Variants in INPP4B observed in about 807,000 individuals in gnomAD.
INPP4B encodes the protein inositol polyphosphate-4-phosphatase type II B.
INPP4B carries 55 observed loss-of-function variants against 122.5 expected under a neutral mutation model. The observed-to-expected ratio is 0.45, with a 90% CI of 0.36 to 0.56. The LOEUF is 0.56. Ranked by LOEUF, INPP4B falls within the 20% of genes least tolerant of loss-of-function variation. The probability of loss-of-function intolerance (pLI) is 0.00; values close to 1 mark genes in which losing one functional copy is unlikely to be tolerated. For missense variants in INPP4B, 1,000 were observed against 1,097.7 expected (o/e 0.91, Z 1.26); for synonymous variants, 403 against 388.7 (o/e 1.04, Z -0.43).
chr4:142,246,612 T>C (rs1426160992), intron 11 of INPP4B, among the ~76,000 whole-genome samples: 1 of 152,196 alleles, frequency 6.6e-6, no homozygotes, highest in Admixed American at 6.5e-5. Flanking sequence ...ATTATTGGTG[T>C]ATAGGAATGC....
At chr4:142,220,726 G>C (rs1849014323) in intron 12 of INPP4B, among the ~76,000 whole-genome samples, 1 of 152,194 alleles carries the variant, frequency 6.6e-6, no homozygotes, top group East Asian at 1.9e-4. Flanking sequence ...TTTTCACAGA[G>C]TTCTAGGGGC....
At chr4:142,296,388 TAAATAGTAGGTAGTAC>T (rs1758705780) in intron 9 of INPP4B, among the ~76,000 whole-genome samples, 2 of 152,296 alleles carry the variant, frequency 1.3e-5, no homozygotes, top group African/African-American at 4.8e-5. Context: ...GATAATAATT[TAAATAGTAGGTAGTAC>T]AATGAGGACC....
intron 2 of INPP4B, among the ~76,000 whole-genome samples, chr4:142,488,004 T>C (rs1265904337): frequency 1.3e-5 from 2 of 152,108 alleles, no homozygotes; most frequent in African/African-American, 2.4e-5. Context: ...TGGAAAATAT[T>C]CAAAATTTCA....
chr4:142,470,808 A>T (rs529990321), intron 2 of INPP4B, among the ~76,000 whole-genome samples: 2 of 152,214 alleles, frequency 1.3e-5, no homozygotes, highest in Non-Finnish European at 2.9e-5. Context: ...TTTCCATTCT[A>T]GAGAAATAAT....
intron 12 of INPP4B, among the ~76,000 whole-genome samples, chr4:142,215,433 C>A (rs1227886969): frequency 6.6e-6 from 1 of 152,180 alleles, no homozygotes; most frequent in East Asian, 1.9e-4. Context: ...GCTTTAAAAA[C>A]TAAACCTGAA....
intron 17 of INPP4B, among the ~76,000 whole-genome samples, chr4:142,147,920 T>C (rs1344782254): frequency 6.6e-6 from 1 of 152,160 alleles, no homozygotes; most frequent in African/African-American, 2.4e-5. Context: ...GCTCATTTAT[T>C]CCAGGAAGAA....
At chr4:142,805,383 G>T (rs996833740) in intron 1 of INPP4B, among the ~76,000 whole-genome samples, 11 of 152,090 alleles carry the variant, frequency 7.2e-5, no homozygotes, top group African/African-American at 1.4e-4. Context: ...GAATAAACTA[G>T]AACTATTTGT....
At chr4:142,520,853 G>C (rs1304459813) in intron 2 of INPP4B, among the ~76,000 whole-genome samples, 1 of 151,846 alleles carries the variant, frequency 6.6e-6, no homozygotes, top group Non-Finnish European at 1.5e-5. Context: ...TACAGAAACA[G>C]GTCTGGCAAA....
chr4:142,629,533 G>T (rs892725368), intron 2 of INPP4B, among the ~76,000 whole-genome samples: 2 of 151,926 alleles, frequency 1.3e-5, no homozygotes, highest in South Asian at 4.1e-4. Flanking sequence ...TGTGTTTGAG[G>T]GGCAGAGAGA....
At chr4:142,139,408 G>A (rs1245671683) in intron 18 of INPP4B, among the ~76,000 whole-genome samples, 2 of 152,142 alleles carry the variant, frequency 1.3e-5, no homozygotes, top group African/African-American at 4.8e-5. Flanking sequence ...CCAGGTTCAA[G>A]TGATTCTCTA....
intron 1 of INPP4B, among the ~76,000 whole-genome samples, chr4:142,832,577 C>T (rs1782278559): frequency 6.6e-6 from 1 of 152,192 alleles, no homozygotes; most frequent in Non-Finnish European, 1.5e-5. Context: ...CTGGCCCCGG[C>T]CAACGCAGTG....
At chr4:142,280,579 A>G (rs1750749647) in intron 9 of INPP4B, among the ~76,000 whole-genome samples, 1 of 151,918 alleles carries the variant, frequency 6.6e-6, no homozygotes, top group African/African-American at 2.4e-5. Flanking sequence ...AAAGTTCTGT[A>G]TCTGGACTGT....
At chr4:142,661,972 G>A (rs1465721162) in intron 2 of INPP4B, among the ~76,000 whole-genome samples, 1 of 151,962 alleles carries the variant, frequency 6.6e-6, no homozygotes, top group East Asian at 1.9e-4. Context: ...GGTGGCTCAC[G>A]CCTGTAATCC....
At chr4:142,465,849 G>C (rs11729317) in intron 2 of INPP4B, among the ~76,000 whole-genome samples, 1 of 152,086 alleles carries the variant, frequency 6.6e-6, no homozygotes, top group Non-Finnish European at 1.5e-5. Context: ...CTCCTCCCCA[G>C]CTTGCTCCCT....
At chr4:142,106,998 T>A (rs1787483945) in intron 23 of INPP4B, among the ~76,000 whole-genome samples, 1 of 152,138 alleles carries the variant, frequency 6.6e-6, no homozygotes, top group African/African-American at 2.4e-5. Flanking sequence ...AGAAAAATAG[T>A]TTTACTTACA....
chr4:142,195,521 A>G (rs1837815362), intron 14 of INPP4B, among the ~76,000 whole-genome samples: 1 of 152,220 alleles, frequency 6.6e-6, no homozygotes, highest in South Asian at 2.1e-4. Context: ...AATTGTGGTG[A>G]TAGTTTCATG....
chr4:142,463,096 T>C (rs1315215429), intron 2 of INPP4B, among the ~76,000 whole-genome samples: 4 of 152,196 alleles, frequency 2.6e-5, no homozygotes, highest in Non-Finnish European at 5.9e-5. Flanking sequence ...ACTCTGCCCA[T>C]CACAAAGAAA....
intron 16 of INPP4B, among the ~76,000 whole-genome samples, chr4:142,169,557 T>G (rs556945121): frequency 2.0e-5 from 3 of 151,852 alleles, no homozygotes; most frequent in African/African-American, 7.2e-5. Flanking sequence ...ACATCCTGAT[T>G]GTATATGTTT....
intron 2 of INPP4B, among the ~76,000 whole-genome samples, chr4:142,694,614 T>C (rs1215929538): frequency 6.6e-6 from 1 of 152,156 alleles, no homozygotes; most frequent in Non-Finnish European, 1.5e-5. Context: ...GTTTAACTTG[T>C]CTGTTTTGGA....
Sources: gnomAD v4.1 joint callset for allele counts (sites outside exome capture counted in the v4.1 genomes callset) on GRCh38, gnomAD v4.1.1 for gene constraint, MANE v1.5 for transcripts, NCBI Gene and HGNC (gene_info 2026-07-23, HGNC 2026-07-21) for gene names.